The following AKNAD1 variants were observed in gnomAD, a reference collection of about 807,000 sequenced individuals.
The protein encoded by AKNAD1 is AKNA domain containing 1.
A neutral mutation model predicts 90.8 loss-of-function variants in AKNAD1; 67 were observed. The observed-to-expected ratio is 0.74, with a 90% CI of 0.61 to 0.90. The LOEUF (loss-of-function observed/expected upper bound fraction) is 0.90, where lower values mean the gene tolerates loss of function less well. Ranked by LOEUF, AKNAD1 falls within the 40% of genes least tolerant of loss-of-function variation. AKNAD1 has a pLI of 0.00. For missense variants in AKNAD1, 957 were observed against 975.4 expected, an observed-to-expected ratio of 0.98 and a Z score of 0.25; for synonymous variants, 327 against 341.4, an observed-to-expected ratio of 0.96 and a Z score of 0.46.
chr1:108,844,125 G>A (rs1664633324), intron 5 of AKNAD1, among the ~76,000 whole-genome samples: 1 of 152,184 alleles, frequency 6.6e-6, no homozygotes, highest in Non-Finnish European at 1.5e-5. Context: ...CACTTTGGGA[G>A]GCCGAAGTGG....
chr1:108,842,772 A>G (rs987216432), intron 6 of AKNAD1, among the ~76,000 whole-genome samples: 2 of 152,160 alleles, frequency 1.3e-5, no homozygotes, highest in Non-Finnish European at 2.9e-5. Context: ...GAACTTGAGA[A>G]GAGGGCCCTC....
At position 108,851,775 on chromosome 1, in the gene AKNAD1, G is replaced by C; in HGVS notation, c.890C>G (p.Thr297Ser). 6.2e-7 allele frequency: 1 copy of C among 1,614,122 alleles called. No homozygotes were observed. The highest frequency in any genetic ancestry group is 8.5e-7 in the Non-Finnish European group (1 of 1,179,974). ...GGTTTCTAGACTATCTTGCACAAGA[G>C]TGGGTTTATCTCTCGACTTGGAAGA... is the stretch of plus-strand genomic sequence containing the variant. ...SFSSKSRDKP[T>S]LVQDSLETTP... Residue 297 changes from threonine (T) to serine (S), a missense_variant, in exon 2 of 16, where the codon ACT becomes AGT. Physicochemically the swap from Thr to Ser is moderately conservative, Grantham distance 58 (BLOSUM62 1). Transcript: ENST00000370001.
intron 5 of AKNAD1, among the ~76,000 whole-genome samples, chr1:108,844,640 G>A (rs1270860193): frequency 6.6e-6 from 1 of 151,932 alleles, no homozygotes; most frequent in Admixed American, 6.6e-5. Context: ...ACACAGCTGG[G>A]TGCAAGTTCA....
chr1:108,823,282 G>A, intron 13 of AKNAD1, 88 bp downstream of exon 13: 1 of 1,073,808 alleles, frequency 9.3e-7, no homozygotes, highest in Non-Finnish European at 1.5e-6. Context: ...CTTCCCAGAT[G>A]GAAGCAGTGG....
At position 108,852,316 on chromosome 1, in the gene AKNAD1, G is replaced by T. The variant is rs748027442; in HGVS notation, c.349C>A (p.Leu117Ile). ...SSISDILLHH[L>I]SKEPFLRGQG... is the part of the protein sequence containing the mutation. ...CCTCTTAAGAATGGCTCTTTGGAAA[G>T]ATGATGAAGTAAAATATCAGAAATG... Residue 117 changes from leucine (L) to isoleucine (I), a missense_variant, in exon 2 of 16, where the codon CTT (leucine) becomes ATT (isoleucine). Leu to Ile is a conservative substitution (Grantham distance 5). Transcript: ENST00000370001. 49 of 1,614,084 alleles carry T rather than the reference G, an allele frequency of 3.0e-5. No homozygotes were observed. The highest frequency in any genetic ancestry group is 1.3e-4 in the Admixed American group (8 of 60,000).
chr1:108,829,769 G>A (rs1484832661), intron 10 of AKNAD1, among the ~76,000 whole-genome samples: 1 of 152,148 alleles, frequency 6.6e-6, no homozygotes, highest in African/African-American at 2.4e-5. Flanking sequence ...ATATAACAGT[G>A]GTTGCTAAAC....
intron 13 of AKNAD1, among the ~76,000 whole-genome samples, chr1:108,820,986 C>CTGAG (rs1663795698): frequency 6.6e-6 from 1 of 152,132 alleles, no homozygotes; most frequent in Non-Finnish European, 1.5e-5. Context: ...ACTTAGGAGG[C>CTGAG]TGAGGCAGGA....
Position 108,852,599 on chromosome 1 carries a change from G to A in AKNAD1, c.66C>T (p.Asp22=). The part of the protein sequence containing the change: ...YKQEDLPYDG[D]LSQIKIGNDY... The stretch of plus-strand genomic sequence containing the variant: ...CATTGCCTATCTTAATCTGAGAGAG[G>A]TCCCCATCATAAGGCAAATCCTCCT... Residue 22 remains aspartate (D), a synonymous_variant, in exon 2 of 16, where the codon GAC becomes GAT. Coordinates refer to ENST00000370001, the MANE Select transcript of AKNAD1 (RefSeq NM_152763.5). The A allele has an allele frequency of 1.9e-6, 3 of 1,610,952 alleles. No individual in the cohort carries two copies. Among genetic ancestry groups the A allele is most frequent in the Non-Finnish European group, 2.5e-6 (3 of 1,178,916 alleles).
intron 11 of AKNAD1, among the ~76,000 whole-genome samples, chr1:108,823,896 C>A (rs935375872): frequency 7.2e-5 from 11 of 152,162 alleles, no homozygotes; most frequent in African/African-American, 2.4e-4. Context: ...TGATAATTAA[C>A]ATTTCTTGTA....
chr1:108,839,471 T>TAAAAAAAAAAAAGAAAAAAAAAAAAAAAA (rs3044857), intron 6 of AKNAD1, among the ~76,000 whole-genome samples: 7 of 126,132 alleles, frequency 5.5e-5, no homozygotes, highest in African/African-American at 2.1e-4. Flanking sequence ...TCCGTCTCAA[T>TAAAAAAAAAAAAGAAAAAAAAAAAAAAAA]AAAAAAAAAA....
chr1:108,817,031 AT>A lies in AKNAD1; in HGVS notation c.2379+16del. On this transcript the variant is annotated intron_variant, in intron 15 of 15. Coordinates refer to ENST00000370001, the MANE Select transcript of AKNAD1 (RefSeq NM_152763.5). Reference sequence around the variant, plus strand: ...TACGAGCTGCAATGCTTCTCGAATGATTTTCTAAGTCCTCACCTCAGATTTT... The same window carrying A: ...TACGAGCTGCAATGCTTCTCGAATGATTTCTAAGTCCTCACCTCAGATTTT... 1 of 1,613,390 alleles carries A rather than the reference AT, an allele frequency of 6.2e-7. No individual in the cohort carries two copies. Among genetic ancestry groups the A allele is most frequent in the Non-Finnish European group, 8.5e-7 (1 of 1,179,690 alleles).
At chr1:108,832,140 C>T (rs1294032922) in intron 9 of AKNAD1, among the ~76,000 whole-genome samples, 1 of 151,102 alleles carries the variant, frequency 6.6e-6, no homozygotes, top group East Asian at 1.9e-4. Context: ...AGCAATTTGG[C>T]AAGGTTGCAT....
rs75308806 is a variant in AKNAD1 at position 108,850,961 on chromosome 1, T to C, written c.993+711A>G. Among the ~76,000 whole-genome samples the C allele has an allele frequency of 2.3e-3, 354 of 152,288 alleles. 1 individual carries two copies. The highest frequency in any genetic ancestry group is 7.8e-3 in the African/African-American group (324 of 41,550). On this transcript the variant is annotated intron_variant, in intron 2 of 15. Transcript: ENST00000370001. Reference sequence around the variant, plus strand: ...AGCATTAACAAAGTTTTGTACCAAATGATTACCAAGATAACAAGCTTGAAA... The same window carrying C: ...AGCATTAACAAAGTTTTGTACCAAACGATTACCAAGATAACAAGCTTGAAA...
intron 14 of AKNAD1, among the ~76,000 whole-genome samples, chr1:108,817,703 C>T (rs918834372): frequency 6.6e-6 from 1 of 151,448 alleles, no homozygotes; most frequent in African/African-American, 2.4e-5. Context: ...GATGGGGTTT[C>T]ACCGTGTTAG....
At chr1:108,817,696 G>A (rs974756925) in intron 14 of AKNAD1, among the ~76,000 whole-genome samples, 4 of 151,056 alleles carry the variant, frequency 2.6e-5, no homozygotes, top group African/African-American at 9.7e-5. Context: ...TAGTAGAGAT[G>A]GGGTTTCACC....
At chr1:108,827,168 T>TA (rs772929222) in intron 11 of AKNAD1, 37 bp downstream of exon 11, 12 of 1,541,012 alleles carry the variant, frequency 7.8e-6, no homozygotes, top group Non-Finnish European at 1.1e-5. Flanking sequence ...GGAGGGACAC[T>TA]GAAAAATGAG....
intron 1 of AKNAD1, among the ~76,000 whole-genome samples, chr1:108,854,470 A>G (rs1570834428): frequency 1.3e-5 from 2 of 152,234 alleles, no homozygotes; most frequent in South Asian, 2.1e-4. Flanking sequence ...AGCTAAAATC[A>G]TATGTTTGAC....
At chr1:108,830,379 G>A (rs1664149546) in intron 10 of AKNAD1, among the ~76,000 whole-genome samples, 180 bp downstream of exon 10, 1 of 152,152 alleles carries the variant, frequency 6.6e-6, no homozygotes, top group African/African-American at 2.4e-5. Flanking sequence ...CCCCAGTTGA[G>A]GACCACTGCT....
At chr1:108,850,120 T>C (rs2101215154) in intron 2 of AKNAD1, among the ~76,000 whole-genome samples, 1 of 152,310 alleles carries the variant, frequency 6.6e-6, no homozygotes, top group South Asian at 2.1e-4. Context: ...GTGATGGTTT[T>C]CTACTCACCA....
Sources: allele counts gnomAD v4.1 joint callset (sites outside exome capture counted in the v4.1 genomes callset), GRCh38; gene constraint gnomAD v4.1.1; transcripts MANE v1.5; gene names NCBI Gene and HGNC (gene_info 2026-07-23, HGNC 2026-07-21).